ME3: variants seen among roughly 807,000 people sequenced by gnomAD.
The protein encoded by ME3 is NADP-dependent malic enzyme, mitochondrial.
ME3 carries 48 observed loss-of-function variants against 68.9 expected under a neutral mutation model. The observed-to-expected ratio is 0.70, with a 90% CI of 0.55 to 0.89. The LOEUF is 0.89. Ranked by LOEUF, ME3 falls within the 40% of genes least tolerant of loss-of-function variation. The pLI is 0.00. For missense variants in ME3, 675 were observed against 797.4 expected (o/e 0.85, Z 1.85); for synonymous variants, 320 against 318.8 (o/e 1.00, Z -0.04).
rs139524923 is a variant in ME3, at chr11:86,524,653, T to G, written c.468-15786A>C. Among the ~76,000 whole-genome samples the G allele has an allele frequency of 5.7e-3, 874 of 152,312 alleles. 5 individuals are homozygous for G. Among genetic ancestry groups the G allele is most frequent in the Non-Finnish European group, 9.9e-3 (672 of 68,026 alleles). ...CCACTTTAATTTACCAGATAAACAT[T>G]TCTGGAGCTATCATTGCATATTAGT... On this transcript the variant is annotated intron_variant, in intron 4 of 14. Transcript: ENST00000543262.
At chr11:86,507,512 C>G (rs1290225638) in intron 5 of ME3, among the ~76,000 whole-genome samples, 1 of 152,056 alleles carries the variant, frequency 6.6e-6, no homozygotes, top group Non-Finnish European at 1.5e-5. Flanking sequence ...AATGCCCTTA[C>G]CACCCAGCCA....
intron 4 of ME3, among the ~76,000 whole-genome samples, chr11:86,525,998 C>T (rs923146198): frequency 1.3e-5 from 2 of 152,158 alleles, no homozygotes; most frequent in African/African-American, 4.8e-5. Context: ...GTTCATCTCA[C>T]TGGGGAGTGT....
chr11:86,593,073 T>G (rs769245205), intron 2 of ME3, among the ~76,000 whole-genome samples: 3 of 152,158 alleles, frequency 2.0e-5, no homozygotes, highest in Non-Finnish European at 4.4e-5. Flanking sequence ...ACAAAGAAGC[T>G]TCCTGGAGAT....
intron 4 of ME3, among the ~76,000 whole-genome samples, chr11:86,549,007 C>T (rs953896137): frequency 3.9e-5 from 6 of 152,226 alleles, no homozygotes; most frequent in South Asian, 2.1e-4. Flanking sequence ...TTCGTTGATA[C>T]GTAAATTCTC....
At chr11:86,622,145 G>A (rs1043424599) in intron 2 of ME3, among the ~76,000 whole-genome samples, 1 of 151,992 alleles carries the variant, frequency 6.6e-6, no homozygotes, top group African/African-American at 2.4e-5. Context: ...GGAAGGATGC[G>A]TTCCAGATAC....
At chr11:86,464,314 C>G (rs1321757827) in intron 8 of ME3, among the ~76,000 whole-genome samples, 1 of 152,228 alleles carries the variant, frequency 6.6e-6, no homozygotes, top group Non-Finnish European at 1.5e-5. Flanking sequence ...TCACAGTGCT[C>G]CTTCCTGTGC....
chr11:86,445,512 A>C (rs1398168959), intron 13 of ME3, among the ~76,000 whole-genome samples: 1 of 152,196 alleles, frequency 6.6e-6, no homozygotes, highest in Non-Finnish European at 1.5e-5. Flanking sequence ...GAGCCTTTGG[A>C]GCTTGTTACG....
intron 6 of ME3, among the ~76,000 whole-genome samples, chr11:86,494,758 C>T (rs1413988961): frequency 6.6e-6 from 1 of 152,184 alleles, no homozygotes; most frequent in Non-Finnish European, 1.5e-5. Flanking sequence ...ACAACTAGAA[C>T]ATTCTATTCA....
chr11:86,640,925 C>G (rs1200561939), intron 2 of ME3, among the ~76,000 whole-genome samples: 2 of 151,984 alleles, frequency 1.3e-5, no homozygotes, highest in African/African-American at 4.8e-5. Flanking sequence ...CCCATCTCCC[C>G]AGAGGGAAAG....
At position 86,534,205 on chromosome 11, in the gene ME3, G is replaced by C. The variant is rs59513069; in HGVS notation, c.467+22348C>G. Among the ~76,000 whole-genome samples, 387 of 151,890 alleles carry C rather than the reference G, an allele frequency of 2.5e-3. 8 individuals carry two copies. The East Asian group carries it at 0.064, about 25-fold the overall frequency. On this transcript the variant is annotated intron_variant, in intron 4 of 14. Transcript: ENST00000543262. ...GAGTCAGTGAGAGATGAGTGAATGT[G>C]ATGACCCAGGACATTACTGTATACT... is the stretch of plus-strand genomic sequence containing the variant.
At chr11:86,556,682 A>G (rs777394428) in exon 4 of ME3, 1 of 1,614,068 alleles carries the variant, frequency 6.2e-7, no homozygotes, top group South Asian at 1.1e-5. Flanking sequence ...CCGGTCTTGG[A>G]GTGTCATGAG....
chr11:86,559,183 G>A (rs966469931), intron 3 of ME3, among the ~76,000 whole-genome samples: 39 of 152,178 alleles, frequency 2.6e-4, no homozygotes, highest in African/African-American at 9.4e-4. Flanking sequence ...GTTATTAACT[G>A]TTGCCCATAG....
intron 2 of ME3, among the ~76,000 whole-genome samples, chr11:86,581,996 C>T (rs1167037846): frequency 6.6e-6 from 1 of 152,226 alleles, no homozygotes. Flanking sequence ...ACTGTTCTGC[C>T]CCTGGAATAC....
At chr11:86,554,486 G>A (rs1956836971) in intron 4 of ME3, among the ~76,000 whole-genome samples, 1 of 152,196 alleles carries the variant, frequency 6.6e-6, no homozygotes, top group Non-Finnish European at 1.5e-5. Flanking sequence ...ATTTAAACAT[G>A]CATATGTATA....
chr11:86,469,170 G>C (rs1950648004), intron 7 of ME3, among the ~76,000 whole-genome samples: 1 of 152,214 alleles, frequency 6.6e-6, no homozygotes, highest in African/African-American at 2.4e-5. Flanking sequence ...AAATGCAGGA[G>C]TCTTGGCTGA....
chr11:86,463,457 C>T (rs113710081), intron 8 of ME3, among the ~76,000 whole-genome samples: 7,408 of 152,326 alleles, frequency 0.049, 212 homozygotes, highest in South Asian at 0.096. Flanking sequence ...TGCTTCCCCC[C>T]ACCAGCGCAT....
At chr11:86,601,962 TAA>T (rs1286977305) in intron 2 of ME3, among the ~76,000 whole-genome samples, 2 of 143,226 alleles carry the variant, frequency 1.4e-5, no homozygotes, top group Non-Finnish European at 3.0e-5. Context: ...CTCAAAATAA[TAA>T]GAGCTATCTA....
In ME3 at chr11:86,614,661, G is replaced by C. The variant is rs538344103; in HGVS notation, c.184-54838C>G. On this transcript the variant is annotated intron_variant, in intron 2 of 14. Transcript: ENST00000543262. Reference sequence around the variant, plus strand: ...GCTTTTTAGCAACAGGCACCAACCAGGTGCCTATGGATTTTTTTTCATAGT... The same window carrying C: ...GCTTTTTAGCAACAGGCACCAACCACGTGCCTATGGATTTTTTTTCATAGT... Among the ~76,000 whole-genome samples, 11 of 152,238 alleles carry C rather than the reference G, an allele frequency of 7.2e-5. No homozygotes were observed. The East Asian group carries it at 1.9e-3, about 27-fold the overall frequency.
intron 2 of ME3, among the ~76,000 whole-genome samples, chr11:86,629,885 G>A (rs1166301891): frequency 1.3e-5 from 2 of 152,174 alleles, no homozygotes; most frequent in African/African-American, 4.8e-5. Context: ...GTAAATAACA[G>A]TCTAAATGTG....
Sources: gnomAD v4.1 joint callset for allele counts (sites outside exome capture counted in the v4.1 genomes callset) on GRCh38, gnomAD v4.1.1 for gene constraint, MANE v1.5 for transcripts, NCBI Gene and HGNC (gene_info 2026-07-23, HGNC 2026-07-21) for gene names.